The following FRMD4B variants were observed in gnomAD, a reference collection of about 807,000 sequenced individuals.
FRMD4B encodes the protein FERM domain containing 4B, also known as FERM domain-containing protein 4B.
In FRMD4B, 74 loss-of-function variants were observed where a neutral mutation model predicts 141.5. The observed-to-expected ratio is 0.52, with a 90% CI of 0.43 to 0.63. The LOEUF (loss-of-function observed/expected upper bound fraction) is 0.63, where lower values mean the gene tolerates loss of function less well. Among genes scored for constraint, FRMD4B ranks in the 30% least tolerant of loss-of-function variants. FRMD4B has a pLI of 0.00. For missense variants in FRMD4B, 1,366 were observed against 1,253.4 expected (o/e 1.09, Z -1.36); for synonymous variants, 506 against 467.9 (o/e 1.08, Z -1.05).
intron 4 of FRMD4B, among the ~76,000 whole-genome samples, chr3:69,291,282 G>T (rs1204047924): frequency 1.3e-5 from 2 of 151,996 alleles, no homozygotes; most frequent in Non-Finnish European, 2.9e-5. Context: ...CTCTAACAGG[G>T]ACTGTATTAA....
intron 1 of FRMD4B, among the ~76,000 whole-genome samples, chr3:69,357,072 AT>A (rs1703344765): frequency 6.6e-6 from 1 of 152,246 alleles, no homozygotes; most frequent in South Asian, 2.1e-4. Context: ...GTGGGTGCTT[AT>A]AAACACAGGA....
rs534638449 is a variant in FRMD4B at position 69,207,240 on chromosome 3, G to C, written c.877-8466C>G. ...GGATTGCTTGAACTGAGGAGTTTGA[G>C]GCTGCAGTGAACTATCATTATGACT... On this transcript the variant is annotated intron_variant, in intron 11 of 22. Coordinates refer to ENST00000398540, the MANE Select transcript of FRMD4B (RefSeq NM_015123.3). 4.0e-5 allele frequency among the ~76,000 whole-genome samples: 6 copies of C among 151,256 alleles called. No individual in the cohort carries two copies. The South Asian group carries it at 1.3e-3, about 32-fold the overall frequency.
chr3:69,180,503 G>C (rs2092694294), intron 21 of FRMD4B, among the ~76,000 whole-genome samples: 1 of 152,034 alleles, frequency 6.6e-6, no homozygotes, highest in Admixed American at 6.6e-5. Context: ...ACACATTTAA[G>C]AGATGTGCCT....
chr3:69,413,879 A>G (rs1704803786), intron 2 of FRMD4B, among the ~76,000 whole-genome samples: 1 of 152,176 alleles, frequency 6.6e-6, no homozygotes, highest in African/African-American at 2.4e-5. Flanking sequence ...CAGAGATGTA[A>G]GAAAAAAGTG....
At chr3:69,521,502 A>C (rs1272027453) in intron 1 of FRMD4B, among the ~76,000 whole-genome samples, 2 of 152,208 alleles carry the variant, frequency 1.3e-5, no homozygotes, top group East Asian at 3.9e-4. Context: ...TAACTTAGTA[A>C]ATATCCCATG....
intron 7 of FRMD4B, among the ~76,000 whole-genome samples, chr3:69,238,991 A>G (rs926360040): frequency 6.6e-6 from 1 of 152,210 alleles, no homozygotes. Flanking sequence ...CTCGTTGTTC[A>G]TCTGAAATTC....
chr3:69,310,555 C>CACACAT lies in FRMD4B; in HGVS notation c.323+707_323+708insATGTGT, dbSNP rs752623702. On this transcript the variant is annotated intron_variant, in intron 3 of 22. Transcript: ENST00000398540. The stretch of plus-strand genomic sequence containing the variant: ...AGACAGACAGATACACACAGACAAA[C>CACACAT]ACACACACACACACACACACACACA... 9.1e-5 allele frequency: 24 copies of CACACAT among 263,312 alleles called. No homozygotes were observed. The East Asian group carries it at 1.8e-3, about 20-fold the overall frequency. The allele number at this position is 263,312 out of a possible 1,614,324, so 16.3% of individuals were successfully genotyped here. A position where few individuals can be genotyped will look rare whatever the true frequency, so the allele number is the denominator to read the frequency against.
chr3:69,235,065 G>T (rs1352835669), intron 7 of FRMD4B, among the ~76,000 whole-genome samples: 1 of 151,422 alleles, frequency 6.6e-6, no homozygotes, highest in Non-Finnish European at 1.5e-5. Flanking sequence ...CAGGAGAATT[G>T]CTTGAACCCA....
intron 19 of FRMD4B, among the ~76,000 whole-genome samples, chr3:69,185,152 T>G (rs2092751426): frequency 6.6e-6 from 1 of 151,748 alleles, no homozygotes; most frequent in Admixed American, 6.6e-5. Context: ...CACAAAAAAA[T>G]TAGCCAGGTG....
chr3:69,456,502 CAA>C (rs935196389), intron 1 of FRMD4B, among the ~76,000 whole-genome samples: 1 of 152,052 alleles, frequency 6.6e-6, no homozygotes, highest in African/African-American at 2.4e-5. Context: ...AGATTGGTTG[CAA>C]AAGTTATGCT....
intron 1 of FRMD4B, among the ~76,000 whole-genome samples, chr3:69,347,284 A>G (rs888275761): frequency 1.3e-5 from 2 of 152,250 alleles, no homozygotes; most frequent in African/African-American, 4.8e-5. Flanking sequence ...AGAGCTAACT[A>G]TCCTAAATAT....
intron 1 of FRMD4B, among the ~76,000 whole-genome samples, chr3:69,354,286 T>C (rs754423936): frequency 8.5e-5 from 13 of 152,088 alleles, no homozygotes; most frequent in Non-Finnish European, 1.5e-4. Flanking sequence ...CAAAATACAT[T>C]ATGCTTGAAG....
intron 1 of FRMD4B, chr3:69,536,209 C>T: frequency 3.4e-6 from 2 of 591,450 alleles, no homozygotes; most frequent in Admixed American, 2.7e-5. Flanking sequence ...GAGGATCCTC[C>T]TTGGCCTCAC....
intron 2 of FRMD4B, among the ~76,000 whole-genome samples, chr3:69,426,076 G>A (rs898485734): frequency 6.6e-6 from 1 of 152,150 alleles, no homozygotes; most frequent in Admixed American, 6.5e-5. Flanking sequence ...TCACACAAAG[G>A]CAACTCTAAG....
At chr3:69,310,519 T>C (rs543571018) in intron 3 of FRMD4B, 123 of 451,590 alleles carry the variant, frequency 2.7e-4, no homozygotes, top group African/African-American at 2.5e-3. Context: ...CAAATTGGGC[T>C]GCCATAAAAA....
chr3:69,458,248 T>C (rs1315724016), intron 1 of FRMD4B, among the ~76,000 whole-genome samples: 1 of 152,220 alleles, frequency 6.6e-6, no homozygotes, highest in Non-Finnish European at 1.5e-5. Context: ...GCTCATTATA[T>C]GACTATTGAC....
intron 1 of FRMD4B, among the ~76,000 whole-genome samples, chr3:69,456,931 A>G (rs951456748): frequency 1.3e-5 from 2 of 152,174 alleles, no homozygotes; most frequent in Non-Finnish European, 2.9e-5. Context: ...TGTTGCCCAC[A>G]AAACTAAAAA....
intron 20 of FRMD4B, 82 bp downstream of exon 20, chr3:69,182,516 G>T: frequency 2.2e-6 from 3 of 1,337,042 alleles, no homozygotes; most frequent in Non-Finnish European, 2.0e-6. Context: ...CACTTGAAAT[G>T]ATTAAAAAAC....
intron 22 of FRMD4B, among the ~76,000 whole-genome samples, chr3:69,175,383 C>T (rs916841863): frequency 6.6e-6 from 1 of 152,186 alleles, no homozygotes; most frequent in African/African-American, 2.4e-5. Flanking sequence ...AAAACTAATT[C>T]AGAGTTTGCA....
Sources: allele counts gnomAD v4.1 joint callset (sites outside exome capture counted in the v4.1 genomes callset), GRCh38; gene constraint gnomAD v4.1.1; transcripts MANE v1.5; gene names NCBI Gene and HGNC (gene_info 2026-07-23, HGNC 2026-07-21).